KLHL13: variants seen among roughly 807,000 people sequenced by gnomAD.
KLHL13 encodes the protein kelch-like protein 13.
KLHL13 carries 10 observed loss-of-function variants against 37.1 expected under a neutral mutation model. The ratio of observed to expected loss-of-function variants is 0.27; its 90% CI spans 0.17 to 0.46. The LOEUF (loss-of-function observed/expected upper bound fraction) is 0.46, where lower values mean the gene tolerates loss of function less well. KLHL13 is among the 20% of genes least tolerant of loss of function. KLHL13 has a pLI of 1.00. For missense variants in KLHL13, 360 were observed against 509.3 expected, an observed-to-expected ratio of 0.71 and a Z score of 2.82; for synonymous variants, 163 against 181.2, an observed-to-expected ratio of 0.90 and a Z score of 0.81.
chrX:117,975,362 C>T (rs984229363), upstream of KLHL13, among the ~76,000 whole-genome samples: 1 of 112,118 alleles, frequency 8.9e-6, no homozygotes, highest in African/African-American at 3.2e-5. Flanking sequence ...AGAAAAGAGA[C>T]TCAATCATTT....
chrX:117,955,603 A>G (rs1168339529), intron 1 of KLHL13, among the ~76,000 whole-genome samples: 1 of 111,871 alleles, frequency 8.9e-6, no homozygotes, highest in Admixed American at 9.5e-5. Flanking sequence ...AGAATAATAC[A>G]AAAAAAGAAG....
At chrX:117,905,358 C>T (rs1930432421) in intron 5 of KLHL13, among the ~76,000 whole-genome samples, 1 of 111,647 alleles carries the variant, frequency 9.0e-6, no homozygotes, top group African/African-American at 3.2e-5. Context: ...TTGAAAGATG[C>T]CAGAAATAAC....
intron 1 of KLHL13, among the ~76,000 whole-genome samples, chrX:118,114,408 C>A (rs1367436921): frequency 8.9e-6 from 1 of 112,330 alleles, no homozygotes; most frequent in African/African-American, 3.2e-5. Flanking sequence ...TTATGGCTAA[C>A]TCATCCACCT....
intron 5 of KLHL13, among the ~76,000 whole-genome samples, chrX:117,906,147 G>A: frequency 1.8e-5 from 2 of 111,549 alleles, no homozygotes; most frequent in Non-Finnish European, 3.8e-5. Context: ...TATAACAGAT[G>A]TTAATGTGTG....
chrX:117,977,570 C>G (rs1220706697), upstream of KLHL13, among the ~76,000 whole-genome samples: 1 of 111,795 alleles, frequency 8.9e-6, no homozygotes, highest in African/African-American at 3.2e-5. Context: ...GTAGGTACAG[C>G]TAAAGACTAA....
chrX:118,076,333 T>C (rs758415287), intron 1 of KLHL13, among the ~76,000 whole-genome samples: 1 of 111,937 alleles, frequency 8.9e-6, no homozygotes, highest in Non-Finnish European at 1.9e-5. Flanking sequence ...GATAAATTAT[T>C]ATACACAATT....
At chrX:118,050,598 C>T (rs2054603439) in intron 1 of KLHL13, among the ~76,000 whole-genome samples, 1 of 111,489 alleles carries the variant, frequency 9.0e-6, no homozygotes, top group Admixed American at 9.6e-5. Context: ...TTCTCTCTCT[C>T]TCTCTCTGAT....
At position 117,951,818 on chromosome X, in the gene KLHL13, T is replaced by C. The variant is rs945418009; in HGVS notation, c.99-6243A>G. On this transcript the variant is annotated intron_variant, in intron 1 of 6. Coordinates refer to ENST00000262820, the Ensembl canonical transcript of KLHL13. The stretch of plus-strand genomic sequence containing the variant: ...AGGCACATTCTAGTATCCTATTTAA[T>C]CCTTGTAATAACTCATTTAACTTAC... Among the ~76,000 whole-genome samples, 5 of 112,279 alleles carry C rather than the reference T, an allele frequency of 4.5e-5. No homozygotes were observed. In the East Asian group the frequency reaches 1.4e-3, roughly 31 times the overall value.
intron 1 of KLHL13, among the ~76,000 whole-genome samples, chrX:118,020,888 A>C (rs192172949): frequency 0.026 from 2,762 of 105,651 alleles, 94 homozygotes; most frequent in African/African-American, 0.09. Flanking sequence ...AACTATCACA[A>C]GGACAGAAAA....
In KLHL13 at chrX:118,070,724, C is replaced by CT. The variant is rs1269536701; in HGVS notation, c.-56+45783dup. On this transcript the variant is annotated intron_variant, in intron 1 of 6. Transcript: ENST00000371882. ...CTCCAATTGGTAGATTTGTCATTTTCTTTTTTTTAATTTTTAAATATTTTT... is the reference window on the plus strand; with the variant it reads ...CTCCAATTGGTAGATTTGTCATTTTCTTTTTTTTTAATTTTTAAATATTTTT... 8.3e-3 allele frequency among the ~76,000 whole-genome samples: 873 copies of CT among 105,737 alleles called. 9 individuals carry two copies. Among genetic ancestry groups the CT allele is most frequent in the African/African-American group, 0.027 (763 of 27,937 alleles). The allele number at this position is 105,737 out of a possible 115,157, so 91.8% of individuals were successfully genotyped here.
chrX:118,018,771 A>G (rs2054158997), intron 1 of KLHL13, among the ~76,000 whole-genome samples: 2 of 111,377 alleles, frequency 1.8e-5, no homozygotes, highest in South Asian at 3.7e-4. Flanking sequence ...TTGCCATTAT[A>G]TCTTCTAAAT....
chrX:118,107,056 A>G (rs1569319484), intron 1 of KLHL13, among the ~76,000 whole-genome samples: 1 of 112,034 alleles, frequency 8.9e-6, no homozygotes. Context: ...TGGAACAATT[A>G]GAGATAAATC....
chrX:118,001,925 A>T (rs1021447817), intron 1 of KLHL13, among the ~76,000 whole-genome samples: 21 of 108,613 alleles, frequency 1.9e-4, no homozygotes, highest in Non-Finnish European at 3.6e-4. Context: ...TGAATCTTAC[A>T]GATTTTTCAG....
chrX:117,960,720 A>C (rs1014278326), intron 1 of KLHL13, among the ~76,000 whole-genome samples: 1 of 112,130 alleles, frequency 8.9e-6, no homozygotes, highest in Non-Finnish European at 1.9e-5. Context: ...AGTCTTTTGA[A>C]TAAACTGAAA....
chrX:118,053,674 G>A (rs2054642744), intron 1 of KLHL13, among the ~76,000 whole-genome samples: 1 of 109,465 alleles, frequency 9.1e-6, no homozygotes. Context: ...AAACAAAGGT[G>A]AGCAATCCTG....
chrX:118,110,377 C>CTTTTTTTTTTT (rs1054663520), intron 1 of KLHL13, among the ~76,000 whole-genome samples: 3 of 82,555 alleles, frequency 3.6e-5, no homozygotes, highest in Non-Finnish European at 6.9e-5. Context: ...ATTTCTTTTT[C>CTTTTTTTTTTT]TTTTTTTTTT....
chrX:117,920,391 G>C lies in KLHL13; in HGVS notation c.241-21C>G, dbSNP rs199683629. 6.2e-4 allele frequency: 743 copies of C among 1,194,123 alleles called. 1 individual carries two copies. Among genetic ancestry groups the C allele is most frequent in the Non-Finnish European group, 7.9e-4 (699 of 888,713 alleles). ...AAGCCCTACAACAAGAACATGAGTT[G>C]AGTCACTAATCAAGGTAAAATGAGG... On this transcript the variant is annotated intron_variant, in intron 2 of 6. Transcript: ENST00000262820.
At chrX:117,908,903 G>C (rs1331366020) in intron 5 of KLHL13, among the ~76,000 whole-genome samples, 1 of 112,277 alleles carries the variant, frequency 8.9e-6, no homozygotes, top group Admixed American at 9.4e-5. Context: ...AAAGTTTTCT[G>C]TAATGAAGGA....
At chrX:118,052,695 G>A (rs956766041) in intron 1 of KLHL13, among the ~76,000 whole-genome samples, 1 of 109,103 alleles carries the variant, frequency 9.2e-6, no homozygotes, top group African/African-American at 3.3e-5. Flanking sequence ...AAATTAGCTG[G>A]GCGCACCTGT....
Sources: allele counts gnomAD v4.1 joint callset (sites outside exome capture counted in the v4.1 genomes callset), GRCh38; gene constraint gnomAD v4.1.1; transcripts MANE v1.5; gene names NCBI Gene and HGNC (gene_info 2026-07-23, HGNC 2026-07-21).